LMX1A: variants seen among roughly 807,000 people sequenced by gnomAD.
The protein encoded by LMX1A is LIM homeobox transcription factor 1-alpha.
LMX1A carries 15 observed loss-of-function variants against 49.1 expected under a neutral mutation model. The observed-to-expected ratio is 0.31, with a 90% CI of 0.20 to 0.47. The LOEUF is 0.47. Among genes scored for constraint, LMX1A ranks in the 20% least tolerant of loss-of-function variants. LMX1A has a pLI of 1.00. For missense variants in LMX1A, 372 were observed against 475.8 expected, an observed-to-expected ratio of 0.78 and a Z score of 2.03; for synonymous variants, 167 against 185.7, an observed-to-expected ratio of 0.90 and a Z score of 0.82.
intron 3 of LMX1A, among the ~76,000 whole-genome samples, chr1:165,330,181 C>T (rs755307875): frequency 6.6e-6 from 1 of 152,132 alleles, no homozygotes; most frequent in Non-Finnish European, 1.5e-5. Flanking sequence ...AGTGGCTGAG[C>T]CAAGATGTGA....
chr1:165,319,031 ACACACACACACC>A (rs1302320451), intron 3 of LMX1A, among the ~76,000 whole-genome samples: 6 of 142,094 alleles, frequency 4.2e-5, no homozygotes, highest in African/African-American at 1.3e-4. Flanking sequence ...ACACACACAC[ACACACACACACC>A]CCAACTTCTT....
chr1:165,244,567 C>G (rs1049209984), intron 4 of LMX1A, among the ~76,000 whole-genome samples: 1 of 152,082 alleles, frequency 6.6e-6, no homozygotes, highest in Non-Finnish European at 1.5e-5. Context: ...GGGGAAAACC[C>G]CTACACAGCT....
At chr1:165,228,461 T>TATTAAAC (rs1652117403) in intron 4 of LMX1A, among the ~76,000 whole-genome samples, 2 of 152,330 alleles carry the variant, frequency 1.3e-5, no homozygotes, top group African/African-American at 4.8e-5. Context: ...ACTCTCTCTG[T>TATTAAAC]TCTAAAAGTC....
intron 4 of LMX1A, among the ~76,000 whole-genome samples, chr1:165,244,303 G>A (rs1349748203): frequency 2.0e-5 from 3 of 152,166 alleles, no homozygotes; most frequent in Non-Finnish European, 4.4e-5. Flanking sequence ...TAAAGTGTGA[G>A]CTGCTCTAGA....
chr1:165,318,273 A>G (rs966864592), intron 3 of LMX1A, among the ~76,000 whole-genome samples: 1 of 152,222 alleles, frequency 6.6e-6, no homozygotes. Context: ...ATCCCAATGC[A>G]GAAAAGAAAT....
chr1:165,247,897 T>C (rs1225932591), intron 4 of LMX1A, among the ~76,000 whole-genome samples: 2 of 152,204 alleles, frequency 1.3e-5, no homozygotes, highest in Non-Finnish European at 2.9e-5. Flanking sequence ...TCCAAAGCTT[T>C]TGCACTTAAG....
intron 4 of LMX1A, among the ~76,000 whole-genome samples, chr1:165,219,467 A>AG (rs1651761253): frequency 6.6e-6 from 1 of 152,168 alleles, no homozygotes; most frequent in Non-Finnish European, 1.5e-5. Flanking sequence ...GAAAGAAAGA[A>AG]GGGAGGAATT....
chr1:165,300,369 C>G (rs1489918009), intron 3 of LMX1A, among the ~76,000 whole-genome samples: 2 of 152,208 alleles, frequency 1.3e-5, no homozygotes, highest in Non-Finnish European at 2.9e-5. Context: ...CCAAGACTTT[C>G]CTCAACAGAG....
rs371870303 is a variant in LMX1A, at chr1:165,319,820, A to C, written c.263+33256T>G. On this transcript the variant is annotated intron_variant, in intron 3 of 8. Transcript: ENST00000342310. ...AAGAAGGTAATCTGTAAATAGTGGG[A>C]TCATAGATTATTTTCATTTCTTTAT... 1.3e-5 allele frequency among the ~76,000 whole-genome samples: 2 copies of C among 152,312 alleles called. 1 individual carries two copies. The highest frequency in any genetic ancestry group is 4.1e-4 in the South Asian group (2 of 4,826).
intron 3 of LMX1A, among the ~76,000 whole-genome samples, chr1:165,309,389 C>T (rs1326689859): frequency 6.6e-6 from 1 of 152,202 alleles, no homozygotes; most frequent in Non-Finnish European, 1.5e-5. Flanking sequence ...CTGAGGAAGT[C>T]CTGGTGGGGG....
chr1:165,254,654 G>A (rs1653172412), intron 3 of LMX1A, among the ~76,000 whole-genome samples: 1 of 152,186 alleles, frequency 6.6e-6, no homozygotes, highest in Admixed American at 6.5e-5. Flanking sequence ...GACAAGCAGA[G>A]AAAAGGGTTT....
At chr1:165,351,969 C>G (rs1009352442) in intron 3 of LMX1A, among the ~76,000 whole-genome samples, 2 of 152,224 alleles carry the variant, frequency 1.3e-5, no homozygotes, top group African/African-American at 4.8e-5. Flanking sequence ...GTGACAAATG[C>G]AGAATTCTGC....
At chr1:165,248,479 A>G (rs186039300) in intron 4 of LMX1A, among the ~76,000 whole-genome samples, 6 of 152,330 alleles carry the variant, frequency 3.9e-5, no homozygotes, top group Admixed American at 3.9e-4. Context: ...CAACACTCCA[A>G]AAAGGCATTC....
rs1374673979 is a variant in LMX1A, at chr1:165,207,965, G to T, written c.817+98C>A. ...GTGGGTGTGGTCTAGGCTTCACTGA[G>T]TCCAGATATGTCATCCAAAGAGCTG... On this transcript the variant is annotated intron_variant, in intron 7 of 8. Coordinates refer to ENST00000342310, the MANE Select transcript of LMX1A (RefSeq NM_177398.4). The T allele has an allele frequency of 3.0e-6, 3 of 1,005,694 alleles. No individual in the cohort carries two copies. The Admixed American group carries it at 6.4e-5, about 21-fold the overall frequency. The allele number at this position is 1,005,694 out of a possible 1,614,324, so 62.3% of individuals were successfully genotyped here. A position where few individuals can be genotyped will look rare whatever the true frequency, so the allele number is the denominator to read the frequency against.
intron 3 of LMX1A, among the ~76,000 whole-genome samples, chr1:165,297,957 T>G (rs754686885): frequency 1.8e-4 from 27 of 152,238 alleles, no homozygotes; most frequent in Non-Finnish European, 2.9e-4. Flanking sequence ...ACAATGTATG[T>G]CAAATGTCTG....
chr1:165,329,200 A>G (rs1467073174), intron 3 of LMX1A, among the ~76,000 whole-genome samples: 1 of 152,204 alleles, frequency 6.6e-6, no homozygotes, highest in Non-Finnish European at 1.5e-5. Flanking sequence ...AAACACTTAT[A>G]AAATCATCAG....
chr1:165,204,201 T>G (rs1195182824), intron 8 of LMX1A, among the ~76,000 whole-genome samples, 161 bp from the exon 9 acceptor site: 1 of 152,166 alleles, frequency 6.6e-6, no homozygotes, highest in East Asian at 1.9e-4. Context: ...AAGTCCAAAG[T>G]GCAACAAGTG....
intron 4 of LMX1A, among the ~76,000 whole-genome samples, chr1:165,249,097 C>G (rs1652958093): frequency 6.6e-6 from 1 of 152,198 alleles, no homozygotes; most frequent in Non-Finnish European, 1.5e-5. Context: ...CAGACTCCAG[C>G]TAACTGGAAG....
chr1:165,295,112 A>T (rs192331749), intron 3 of LMX1A, among the ~76,000 whole-genome samples: 15 of 152,332 alleles, frequency 9.8e-5, no homozygotes, highest in African/African-American at 3.4e-4. Flanking sequence ...ATGGTATAAG[A>T]CTTCAATTTA....
Sources: gnomAD v4.1 joint callset for allele counts (sites outside exome capture counted in the v4.1 genomes callset) on GRCh38, gnomAD v4.1.1 for gene constraint, MANE v1.5 for transcripts, NCBI Gene and HGNC (gene_info 2026-07-23, HGNC 2026-07-21) for gene names.